The following ANK2 variants were observed in gnomAD, a reference collection of about 807,000 sequenced individuals.
The protein encoded by ANK2 is ankyrin 2.
Under a neutral mutation model 360.5 loss-of-function variants are expected in ANK2, and 83 were observed. The observed-to-expected ratio is 0.23, with a 90% CI of 0.19 to 0.28. The LOEUF (loss-of-function observed/expected upper bound fraction) is 0.28, where lower values mean the gene tolerates loss of function less well. Ranked by LOEUF, ANK2 falls within the 10% of genes least tolerant of loss-of-function variation. ANK2 has a pLI of 1.00. For synonymous variants in ANK2, 1,740 were observed against 1,759.5 expected (o/e 0.99, Z 0.28); for missense variants, 4,201 against 4,795.7 (o/e 0.88, Z 3.66).
chr4:112,758,388 T>C, the ANK2 span, among the ~76,000 whole-genome samples: 1 of 152,138 alleles, frequency 6.6e-6, no homozygotes, highest in African/African-American at 2.4e-5. Flanking sequence ...TATTCTCTTA[T>C]CAATCAGGAA....
the ANK2 span, among the ~76,000 whole-genome samples, chr4:112,780,201 A>G: frequency 2.0e-5 from 3 of 151,306 alleles, no homozygotes; most frequent in East Asian, 3.9e-4. Flanking sequence ...AAAAAAAAAA[A>G]GAAGTCAGTG....
chr4:112,841,631 T>G (rs1432049224), intron 1 of ANK2, among the ~76,000 whole-genome samples: 1 of 152,238 alleles, frequency 6.6e-6, no homozygotes. Context: ...CCAAATGGCC[T>G]GACAAATTGG....
chr4:113,288,671 T>C (rs1432548900), intron 20 of ANK2, among the ~76,000 whole-genome samples, 185 bp downstream of exon 20: 4 of 152,248 alleles, frequency 2.6e-5, no homozygotes, highest in African/African-American at 7.2e-5. Flanking sequence ...TTGACATCCA[T>C]GAAGGTTAGC....
At chr4:113,004,440 C>T (rs2052008932) in intron 2 of ANK2, among the ~76,000 whole-genome samples, 1 of 151,918 alleles carries the variant, frequency 6.6e-6, no homozygotes, top group South Asian at 2.1e-4. Flanking sequence ...TAGCCTCGCC[C>T]TACATAAGAT....
chr4:113,149,423 C>T (rs1394203973), intron 1 of ANK2, among the ~76,000 whole-genome samples: 1 of 151,780 alleles, frequency 6.6e-6, no homozygotes. Flanking sequence ...TATTGTCTTC[C>T]GTAAAAGTTT....
At chr4:112,800,145 A>G in the ANK2 span, among the ~76,000 whole-genome samples, 1 of 152,188 alleles carries the variant, frequency 6.6e-6, no homozygotes, top group Non-Finnish European at 1.5e-5. Flanking sequence ...TGGAGTCACG[A>G]CAAATGTCGT....
In ANK2 at chr4:113,293,488, G is replaced by A; in HGVS notation, c.2425G>A (p.Val809Met). The A allele has an allele frequency of 6.2e-7, 1 of 1,613,754 alleles. No homozygotes were observed. The highest frequency in any genetic ancestry group is 1.1e-5 in the South Asian group (1 of 91,054). Residue 809 changes from valine to methionine, a missense_variant, in exon 22 of 46, where the codon GTG (valine) becomes ATG (methionine). Coordinates refer to ENST00000357077, the MANE Select transcript of ANK2 (RefSeq NM_001148.6). ...AIAKRLGYIS[V>M]VDTLKVVTEE... ...TGCTAAGCGTCTGGGCTACATCTCC[G>A]TGGTCGACACCCTGAAGGTTGTGAC...
chr4:112,886,837 T>A (rs796738996), intron 1 of ANK2, among the ~76,000 whole-genome samples: 8 of 152,278 alleles, frequency 5.3e-5, no homozygotes, highest in African/African-American at 1.9e-4. Flanking sequence ...GTTCACCATA[T>A]GATAAAAAAA....
chr4:113,169,241 A>T (rs945334805), intron 1 of ANK2, among the ~76,000 whole-genome samples: 1 of 152,166 alleles, frequency 6.6e-6, no homozygotes, highest in Admixed American at 6.5e-5. Context: ...TTGATAAGGA[A>T]ATTGAGACAT....
At chr4:113,157,814 C>A (rs1004906292) in intron 1 of ANK2, among the ~76,000 whole-genome samples, 3 of 152,192 alleles carry the variant, frequency 2.0e-5, no homozygotes. Context: ...TACCAGTTAT[C>A]AATTTCGGGT....
At chr4:112,706,772 A>T in the ANK2 span, 2 of 152,270 alleles carry the variant, frequency 1.3e-5, no homozygotes, top group African/African-American at 4.8e-5. Context: ...TGCATTAGCC[A>T]TGTAGTACAG....
At chr4:113,030,937 A>G (rs1163649956) in intron 2 of ANK2, among the ~76,000 whole-genome samples, 1 of 152,064 alleles carries the variant, frequency 6.6e-6, no homozygotes, top group African/African-American at 2.4e-5. Context: ...GATGGAAGAA[A>G]AATGGGCTTG....
chr4:113,287,825 C>T (rs1408621416), intron 19 of ANK2, 122 bp downstream of exon 19: 2 of 813,694 alleles, frequency 2.5e-6, no homozygotes, highest in East Asian at 2.7e-5. Context: ...GAAATATAAA[C>T]TAATCATAAC....
chr4:113,337,993 A>G (rs1337600935), intron 31 of ANK2, among the ~76,000 whole-genome samples: 2 of 152,212 alleles, frequency 1.3e-5, no homozygotes, highest in African/African-American at 2.4e-5. Context: ...TTATTCCAGC[A>G]CAATGTCTTT....
upstream of ANK2, among the ~76,000 whole-genome samples, chr4:112,813,995 A>T (rs1029892712): frequency 1.3e-5 from 2 of 152,160 alleles, no homozygotes; most frequent in African/African-American, 2.4e-5. Flanking sequence ...GTGTGGTTGA[A>T]GTGAGGTCAC....
chr4:112,991,194 G>A (rs1218246698), intron 2 of ANK2, among the ~76,000 whole-genome samples: 1 of 149,044 alleles, frequency 6.7e-6, no homozygotes, highest in African/African-American at 2.5e-5. Flanking sequence ...GTTGCAGTGA[G>A]CCGTGATTGC....
At chr4:113,111,719 G>A (rs2094319517) in intron 1 of ANK2, among the ~76,000 whole-genome samples, 1 of 152,112 alleles carries the variant, frequency 6.6e-6, no homozygotes, top group Non-Finnish European at 1.5e-5. Flanking sequence ...AACCTTGTGA[G>A]CAATAGAATA....
At chr4:113,181,489 G>C (rs775201512) in intron 2 of ANK2, among the ~76,000 whole-genome samples, 1 of 152,134 alleles carries the variant, frequency 6.6e-6, no homozygotes, top group Non-Finnish European at 1.5e-5. Context: ...CTCTGTCCTA[G>C]GTGCTGGGGA....
chr4:112,727,870 C>T, the ANK2 span, among the ~76,000 whole-genome samples: 4 of 152,194 alleles, frequency 2.6e-5, no homozygotes, highest in East Asian at 7.7e-4. Flanking sequence ...ATCCCAGCTA[C>T]TCAGGAGGCT....
Sources: gnomAD v4.1 joint callset for allele counts (sites outside exome capture counted in the v4.1 genomes callset) on GRCh38, gnomAD v4.1.1 for gene constraint, MANE v1.5 for transcripts, NCBI Gene and HGNC (gene_info 2026-07-23, HGNC 2026-07-21) for gene names.